The following SLIT3 variants were observed in gnomAD, a reference collection of about 807,000 sequenced individuals.
The protein encoded by SLIT3 is slit homolog 3 protein.
In SLIT3, 68 loss-of-function variants were observed where a neutral mutation model predicts 184.0. The ratio of observed to expected loss-of-function variants is 0.37; its 90% CI spans 0.30 to 0.45. SLIT3 has a LOEUF of 0.45. Ranked by LOEUF, SLIT3 falls within the 20% of genes least tolerant of loss-of-function variation. SLIT3 has a pLI of 1.00. For synonymous variants in SLIT3, 831 were observed against 828.6 expected (o/e 1.00, Z -0.05); for missense variants, 1,707 against 2,026.0 (o/e 0.84, Z 3.02).
At chr5:168,875,661 G>C (rs1759707198) in intron 5 of SLIT3, among the ~76,000 whole-genome samples, 1 of 149,916 alleles carries the variant, frequency 6.7e-6, no homozygotes, top group Non-Finnish European at 1.5e-5. Flanking sequence ...GAAGAAGAAA[G>C]AGAAGGAGAA....
At chr5:169,242,584 G>A (rs1447922834) in intron 3 of SLIT3, among the ~76,000 whole-genome samples, 1 of 151,992 alleles carries the variant, frequency 6.6e-6, no homozygotes, top group Non-Finnish European at 1.5e-5. Flanking sequence ...TTTAAGGAGG[G>A]TAAAGTTGAG....
intron 20 of SLIT3, among the ~76,000 whole-genome samples, chr5:168,746,983 T>G (rs1754489573): frequency 2.8e-5 from 4 of 141,724 alleles, no homozygotes; most frequent in African/African-American, 1.1e-4. Context: ...TGTGTGGTGG[T>G]GTGGATGTGT....
At chr5:168,748,256 TG>T in intron 20 of SLIT3, 45 bp downstream of exon 20, 1 of 1,438,318 alleles carries the variant, frequency 7.0e-7, no homozygotes. Flanking sequence ...AGGATGCTGC[TG>T]GTGGTGAGAT....
At chr5:168,923,632 T>C (rs1407697029) in intron 4 of SLIT3, among the ~76,000 whole-genome samples, 1 of 151,492 alleles carries the variant, frequency 6.6e-6, no homozygotes, top group African/African-American at 2.4e-5. Context: ...TTCTCCTGCC[T>C]CGGCCTCTCA....
rs140018583 is a variant in SLIT3 at position 168,885,108 on chromosome 5, C to G, written c.414-1772G>C. The stretch of plus-strand genomic sequence containing the variant: ...GAGGTGTCCACTTTTTTCTGATCTC[C>G]CATCTGCTGCTGGGACAAGCCATGT... On this transcript the variant is annotated intron_variant, in intron 4 of 35. Transcript: ENST00000519560. Among the ~76,000 whole-genome samples, 88 of 152,194 alleles carry G rather than the reference C, an allele frequency of 5.8e-4. 1 individual carries two copies. The East Asian group carries it at 0.014, about 23-fold the overall frequency.
chr5:169,038,245 A>C (rs191364554), intron 4 of SLIT3, among the ~76,000 whole-genome samples: 1 of 152,212 alleles, frequency 6.6e-6, no homozygotes, highest in East Asian at 1.9e-4. Context: ...TCATTTGATT[A>C]TCATTAAACC....
intron 4 of SLIT3, among the ~76,000 whole-genome samples, chr5:169,167,942 C>T (rs1025652368): frequency 2.6e-5 from 4 of 152,230 alleles, no homozygotes; most frequent in Admixed American, 6.5e-5. Context: ...TCCCCTTACT[C>T]CTCCTGAAGG....
In SLIT3 at chr5:168,883,304, G is replaced by C. The variant is rs543524678; in HGVS notation, c.446C>G (p.Pro149Arg). 6.2e-7 allele frequency: 1 copy of C among 1,614,022 alleles called. No individual in the cohort carries two copies. The highest frequency in any genetic ancestry group is 8.5e-7 in the Non-Finnish European group (1 of 1,179,942). The change falls in exon 5 of 36, where the codon CCG (proline) becomes CGG (arginine). Residue 149 changes from proline to arginine, a missense_variant. Pro to Arg is a moderately radical substitution (Grantham distance 103). Coordinates refer to ENST00000519560, the MANE Select transcript of SLIT3 (RefSeq NM_003062.4). ...GGTGATGCCGCGGAACGCCTTCCTC[G>C]GGATCCCCTGGATCTGGTTTTCACT... ...DLSENQIQGI[P>R]RKAFRGITDV... is the part of the protein sequence containing the mutation.
At chr5:168,804,474 G>A (rs1462749448) in intron 9 of SLIT3, among the ~76,000 whole-genome samples, 1 of 152,096 alleles carries the variant, frequency 6.6e-6, no homozygotes, top group African/African-American at 2.4e-5. Context: ...AAGTAGGTGA[G>A]GACTAAGTAG....
chr5:168,896,409 G>C (rs1760665035), intron 4 of SLIT3, among the ~76,000 whole-genome samples: 1 of 152,158 alleles, frequency 6.6e-6, no homozygotes, highest in South Asian at 2.1e-4. Flanking sequence ...GTTCTTATCA[G>C]TACTTGCATC....
At chr5:169,168,405 T>G (rs907845331) in intron 4 of SLIT3, among the ~76,000 whole-genome samples, 3 of 152,152 alleles carry the variant, frequency 2.0e-5, no homozygotes, top group Non-Finnish European at 4.4e-5. Flanking sequence ...CAATCTGGCT[T>G]TAAGTTCTCC....
intron 14 of SLIT3, among the ~76,000 whole-genome samples, chr5:168,769,650 G>A (rs1296022232): frequency 2.0e-5 from 3 of 152,192 alleles, no homozygotes; most frequent in Non-Finnish European, 4.4e-5. Context: ...GACTTCAAAT[G>A]TGAGTTTGAT....
intron 6 of SLIT3, among the ~76,000 whole-genome samples, chr5:168,838,974 C>G (rs144975518): frequency 6.6e-6 from 1 of 152,274 alleles, no homozygotes; most frequent in African/African-American, 2.4e-5. Context: ...GGTGGGGCGG[C>G]TCTTGTGATG....
intron 20 of SLIT3, among the ~76,000 whole-genome samples, chr5:168,739,295 G>A (rs1324997396): frequency 6.6e-6 from 1 of 152,200 alleles, no homozygotes; most frequent in East Asian, 1.9e-4. Flanking sequence ...ACTGGTACAA[G>A]TGCAGTTCCA....
At chr5:168,930,224 G>A (rs965736215) in intron 4 of SLIT3, among the ~76,000 whole-genome samples, 4 of 152,146 alleles carry the variant, frequency 2.6e-5, no homozygotes, top group Non-Finnish European at 4.4e-5. Context: ...CCCATGGCCC[G>A]CATTTTTGCC....
At chr5:168,761,193 C>T (rs1382151761) in intron 15 of SLIT3, among the ~76,000 whole-genome samples, 1 of 152,140 alleles carries the variant, frequency 6.6e-6, no homozygotes, top group Non-Finnish European at 1.5e-5. Context: ...TCCGCGTGGG[C>T]ATGCGTTGTT....
chr5:169,260,668 A>C (rs1206369276), intron 1 of SLIT3, among the ~76,000 whole-genome samples: 1 of 151,832 alleles, frequency 6.6e-6, no homozygotes, highest in Non-Finnish European at 1.5e-5. Flanking sequence ...AAATAAATCA[A>C]CTCTCCTGGA....
chr5:169,083,848 C>G (rs186372580), intron 4 of SLIT3, among the ~76,000 whole-genome samples: 26 of 152,272 alleles, frequency 1.7e-4, no homozygotes, highest in Admixed American at 9.8e-4. Context: ...AAAGAGGAAG[C>G]GCTCACTAGG....
chr5:168,975,108 G>A (rs899037809), intron 4 of SLIT3, among the ~76,000 whole-genome samples: 1 of 152,154 alleles, frequency 6.6e-6, no homozygotes. Flanking sequence ...GCAGCTGAAT[G>A]TAGAAAGGGA....
Sources: allele counts gnomAD v4.1 joint callset (sites outside exome capture counted in the v4.1 genomes callset), GRCh38; gene constraint gnomAD v4.1.1; transcripts MANE v1.5; gene names NCBI Gene and HGNC (gene_info 2026-07-23, HGNC 2026-07-21).